The following ITPRID1 variants were observed in gnomAD, a reference collection of about 807,000 sequenced individuals.
ITPRID1 encodes the protein ITPR interacting domain containing 1, also known as protein ITPRID1.
ITPRID1 carries 96 observed loss-of-function variants against 95.4 expected under a neutral mutation model. The ratio of observed to expected loss-of-function variants is 1.01; its 90% CI spans 0.85 to 1.19. ITPRID1 has a LOEUF of 1.19. Among genes scored for constraint, ITPRID1 ranks in the 50% most tolerant of loss-of-function variants. ITPRID1 has a pLI of 0.00. For synonymous variants in ITPRID1, 510 were observed against 453.6 expected (o/e 1.12, Z -1.58); for missense variants, 1,339 against 1,252.9 (o/e 1.07, Z -1.04).
chr7:31,539,563 A>G (rs998065822), intron 1 of ITPRID1, among the ~76,000 whole-genome samples: 5 of 152,242 alleles, frequency 3.3e-5, no homozygotes, highest in African/African-American at 1.2e-4. Flanking sequence ...TAGTTTCATA[A>G]GAAACCACCA....
chr7:31,557,880 G>A (rs77058002), intron 5 of ITPRID1, among the ~76,000 whole-genome samples: 250 of 152,232 alleles, frequency 1.6e-3, no homozygotes, highest in Middle Eastern at 0.01. Context: ...CGTGTTATGC[G>A]TGGAAACCCC....
chr7:31,620,316 C>A (rs373261223), intron 10 of ITPRID1, among the ~76,000 whole-genome samples: 1 of 151,572 alleles, frequency 6.6e-6, no homozygotes, highest in Non-Finnish European at 1.5e-5. Flanking sequence ...TCAAGTGGGT[C>A]CCTGACCCCT....
At position 31,553,106 on chromosome 7, in the gene ITPRID1, A is replaced by G; in HGVS notation, c.82A>G (p.Lys28Glu). The change falls in exon 3 of 15, where the codon AAA becomes GAA. Residue 28 changes from lysine to glutamate, a missense_variant. Physicochemically the swap from Lys to Glu is moderately conservative, Grantham distance 56 (BLOSUM62 1). Coordinates refer to ENST00000615280, the MANE Select transcript of ITPRID1 (RefSeq NM_001257967.3). The part of the protein sequence containing the change: ...KSKREILKCT[K>E]SAWAPLDEWL... Reference sequence around the variant, plus strand: ...CAAGAGAGAGATCCTGAAGTGCACCAAAAGCGCGTGGGCTCCGCTGGATGA... The same window carrying G: ...CAAGAGAGAGATCCTGAAGTGCACCGAAAGCGCGTGGGCTCCGCTGGATGA... 1 of 1,603,774 alleles carries G rather than the reference A, an allele frequency of 6.2e-7. No homozygotes were observed. The highest frequency in any genetic ancestry group is 8.5e-7 in the Non-Finnish European group (1 of 1,174,840).
In ITPRID1 at chr7:31,653,024, C is replaced by T. The variant is rs1055944991; in HGVS notation, c.*195C>T. 1.2e-5 allele frequency: 17 copies of T among 1,360,064 alleles called. No homozygotes were observed. The East Asian group carries it at 3.6e-4, about 29-fold the overall frequency. The allele number at this position is 1,360,064 out of a possible 1,614,324, so 84.2% of individuals were successfully genotyped here. A position where few individuals can be genotyped will look rare whatever the true frequency, so the allele number is the denominator to read the frequency against. ...TCATTCAGTATAGAATAACTGAGCA[C>T]CTAGTATGTGCCTGGCACAGAGTAT... On this transcript the variant is annotated 3_prime_UTR_variant, in exon 15 of 15. Transcript: ENST00000615280.
At chr7:31,550,107 C>T (rs1191973647) in intron 2 of ITPRID1, among the ~76,000 whole-genome samples, 2 of 151,122 alleles carry the variant, frequency 1.3e-5, no homozygotes, top group East Asian at 1.9e-4. Context: ...ACCTTGATAA[C>T]ATTTTGGTAC....
At chr7:31,584,034 T>C (rs576559567) in intron 10 of ITPRID1, among the ~76,000 whole-genome samples, 1 of 152,312 alleles carries the variant, frequency 6.6e-6, no homozygotes, top group African/African-American at 2.4e-5. Flanking sequence ...AGAATGATGC[T>C]TTATCATCCT....
At position 31,656,417 on chromosome 7, in the gene ITPRID1, C is replaced by A; in HGVS notation, c.*3588C>A. 1 of 634,734 alleles carries A rather than the reference C, an allele frequency of 1.6e-6. No homozygotes were observed. Among genetic ancestry groups the A allele is most frequent in the Non-Finnish European group, 2.0e-6 (1 of 510,202 alleles). The allele number at this position is 634,734 out of a possible 1,614,324, so 39.3% of individuals were successfully genotyped here. The stretch of plus-strand genomic sequence containing the variant: ...CCATGAATCCTGTGCAGTGTTTAAT[C>A]CAATGTCCATCACGTAGTAAGTGTT... On this transcript the variant is annotated 3_prime_UTR_variant, in exon 15 of 15. Transcript: ENST00000615280.
rs117204652 is a variant in ITPRID1, at chr7:31,598,798, C to T, written c.1228+15607C>T. On this transcript the variant is annotated intron_variant, in intron 10 of 14. Coordinates refer to ENST00000615280, the MANE Select transcript of ITPRID1 (RefSeq NM_001257967.3). ...AATATACAATTTATAGAAAAACTGA[C>T]GAATAAACAAGAAAAAAAAGCTTTA... is the stretch of plus-strand genomic sequence containing the variant. 9.0e-3 allele frequency among the ~76,000 whole-genome samples: 1,373 copies of T among 152,028 alleles called. 12 individuals are homozygous for T. Among genetic ancestry groups the T allele is most frequent in the Non-Finnish European group, 0.012 (848 of 67,970 alleles).
intron 2 of ITPRID1, among the ~76,000 whole-genome samples, 196 bp from the exon 3 acceptor site, chr7:31,552,806 T>C (rs141871396): frequency 6.6e-6 from 1 of 152,230 alleles, no homozygotes; most frequent in Non-Finnish European, 1.5e-5. Context: ...TGCTTTGCCT[T>C]GGAGAGGGAA....
chr7:31,616,184 G>GTTAATATATTAATAACATC (rs1191534474), intron 10 of ITPRID1, among the ~76,000 whole-genome samples: 10 of 140,568 alleles, frequency 7.1e-5, no homozygotes, highest in Non-Finnish European at 1.5e-4. Flanking sequence ...ATTATGATTT[G>GTTAATATATTAATAACATC]TTAATATATT....
In ITPRID1 at chr7:31,599,662, T is replaced by TTCTC. The variant is rs70986634; in HGVS notation, c.1228+16499_1228+16502dup. 6.4e-4 allele frequency among the ~76,000 whole-genome samples: 20 copies of TTCTC among 31,424 alleles called. 1 individual carries two copies. The East Asian group carries it at 6.9e-3, about 11-fold the overall frequency. The allele number at this position is 31,424 out of a possible 152,430, so 20.6% of individuals were successfully genotyped here. A position where few individuals can be genotyped will look rare whatever the true frequency, so the allele number is the denominator to read the frequency against. On this transcript the variant is annotated intron_variant, in intron 10 of 14. Coordinates refer to ENST00000615280, the MANE Select transcript of ITPRID1 (RefSeq NM_001257967.3). Reference sequence around the variant, plus strand: ...CTTTCTTTCTTTTTCTTTCTTTCCTTTCTCTCTCTCTCTCTCTCTCTCTCT... The same window carrying TTCTC: ...CTTTCTTTCTTTTTCTTTCTTTCCTTTCTCTCTCTCTCTCTCTCTCTCTCTCTCT...
intron 10 of ITPRID1, among the ~76,000 whole-genome samples, chr7:31,595,538 A>T (rs1259089445): frequency 6.6e-6 from 1 of 152,108 alleles, no homozygotes; most frequent in Non-Finnish European, 1.5e-5. Context: ...AGAAAAGTAT[A>T]AGTTAAAATT....
intron 5 of ITPRID1, among the ~76,000 whole-genome samples, chr7:31,568,726 C>T (rs558335608): frequency 1.3e-5 from 2 of 152,324 alleles, no homozygotes; most frequent in Admixed American, 1.3e-4. Flanking sequence ...GGCAAATGAA[C>T]ATTCAGCATC....
Position 31,572,184 on chromosome 7 carries a change from C to T in ITPRID1, c.391C>T (p.Gln131Ter). Residue 131 changes from glutamine to a stop codon, truncating the protein, a stop_gained, in exon 7 of 15, where the codon CAA (glutamine) becomes TAA (stop). Transcript: ENST00000615280. LOFTEE classifies it high-confidence loss of function. ...NSCYSTASVP[Q>*]SIPEWLEFWE... ...TTGCTATTCTACTGCAAGTGTACCA[C>T]AAAGGTATGTAATTTCCAGGTGCTT... 6.3e-7 allele frequency: 1 copy of T among 1,596,620 alleles called. No homozygotes were observed.
At chr7:31,618,706 G>C (rs1016876360) in intron 10 of ITPRID1, among the ~76,000 whole-genome samples, 1 of 152,172 alleles carries the variant, frequency 6.6e-6, no homozygotes. Context: ...TAGCTTATGA[G>C]TGAGGAAACC....
intron 10 of ITPRID1, among the ~76,000 whole-genome samples, chr7:31,591,357 C>T (rs991789111): frequency 2.0e-5 from 3 of 152,204 alleles, no homozygotes; most frequent in East Asian, 1.9e-4. Flanking sequence ...ACTACTGGCC[C>T]GGCTGTGAGA....
At chr7:31,624,653 T>C (rs1258361428) in intron 10 of ITPRID1, among the ~76,000 whole-genome samples, 1 of 149,052 alleles carries the variant, frequency 6.7e-6, no homozygotes, top group African/African-American at 2.5e-5. Context: ...ACGTTAGACC[T>C]AAAACCATAA....
At chr7:31,600,811 A>G (rs1398021127) in intron 10 of ITPRID1, among the ~76,000 whole-genome samples, 1 of 152,182 alleles carries the variant, frequency 6.6e-6, no homozygotes, top group African/African-American at 2.4e-5. Flanking sequence ...ATGCCCAGGA[A>G]GTTGCTTCTT....
intron 10 of ITPRID1, among the ~76,000 whole-genome samples, chr7:31,594,078 C>A (rs1364154046): frequency 6.6e-6 from 1 of 152,152 alleles, no homozygotes; most frequent in Non-Finnish European, 1.5e-5. Flanking sequence ...AATTATGACA[C>A]CATATTTTAA....
Sources: gnomAD v4.1 joint callset for allele counts (sites outside exome capture counted in the v4.1 genomes callset) on GRCh38, gnomAD v4.1.1 for gene constraint, MANE v1.5 for transcripts, NCBI Gene and HGNC (gene_info 2026-07-23, HGNC 2026-07-21) for gene names.